The following FANCC variants were observed in gnomAD, a reference collection of about 807,000 sequenced individuals.
FANCC encodes FA complementation group C.
FANCC carries 55 observed loss-of-function variants against 71.3 expected under a neutral mutation model. The ratio of observed to expected loss-of-function variants is 0.77; its 90% CI spans 0.62 to 0.97. The LOEUF (loss-of-function observed/expected upper bound fraction) is 0.97. Ranked by LOEUF, FANCC falls within the 50% of genes least tolerant of loss-of-function variation. FANCC has a pLI of 0.00. For missense variants in FANCC, 678 were observed against 670.9 expected, an observed-to-expected ratio of 1.01 and a Z score of -0.12; for synonymous variants, 275 against 244.9, an observed-to-expected ratio of 1.12 and a Z score of -1.15.
At chr9:95,158,967 C>T (rs531833257) in intron 6 of FANCC, among the ~76,000 whole-genome samples, 2 of 152,004 alleles carry the variant, frequency 1.3e-5, no homozygotes, top group African/African-American at 4.8e-5. Flanking sequence ...GAACTAAGGA[C>T]ACGGATGTCC....
At chr9:95,249,407 G>GCA in intron 1 of FANCC, 38 bp from the exon 2 acceptor site, 2 of 1,098,220 alleles carry the variant, frequency 1.8e-6, no homozygotes, top group Non-Finnish European at 2.7e-6. Flanking sequence ...TTTCTAAAAG[G>GCA]CTCTTTTATC....
intron 4 of FANCC, among the ~76,000 whole-genome samples, chr9:95,187,217 T>C (rs967912294): frequency 6.6e-6 from 1 of 152,182 alleles, no homozygotes; most frequent in Non-Finnish European, 1.5e-5. Flanking sequence ...TCCCAGCACG[T>C]CTCCCATCTG....
intron 4 of FANCC, among the ~76,000 whole-genome samples, chr9:95,230,126 G>T (rs988850144): frequency 1.3e-5 from 2 of 152,064 alleles, no homozygotes; most frequent in African/African-American, 4.8e-5. Context: ...TTGCCATTCA[G>T]AAATCAATGC....
chr9:95,223,855 T>C (rs1229402065), intron 4 of FANCC, among the ~76,000 whole-genome samples: 1 of 152,142 alleles, frequency 6.6e-6, no homozygotes, highest in African/African-American at 2.4e-5. Flanking sequence ...CACATGCCTG[T>C]AATCCCAGCT....
chr9:95,165,482 T>C (rs1831015405), intron 6 of FANCC, among the ~76,000 whole-genome samples: 1 of 152,078 alleles, frequency 6.6e-6, no homozygotes, highest in Non-Finnish European at 1.5e-5. Flanking sequence ...TTGTGATATG[T>C]TGGGTTTTCA....
chr9:95,123,271 TCCAG>T (rs1825374194), intron 10 of FANCC: 1 of 282,182 alleles, frequency 3.5e-6, no homozygotes, highest in Non-Finnish European at 6.9e-6. Context: ...ACCACTGCAC[TCCAG>T]CCTTGGTGGC....
At chr9:95,182,910 T>G (rs1250693887) in intron 4 of FANCC, among the ~76,000 whole-genome samples, 1 of 150,280 alleles carries the variant, frequency 6.7e-6, no homozygotes, top group Non-Finnish European at 1.5e-5. Context: ...GGGGAAGGAG[T>G]AGAGAAAAAA....
At chr9:95,316,858 G>T (rs1000202219) in intron 1 of FANCC, 1 of 152,280 alleles carries the variant, frequency 6.6e-6, no homozygotes, top group Non-Finnish European at 1.5e-5. Context: ...GGGCTTTGAA[G>T]ATATGGCCTG....
In FANCC at chr9:95,220,832, C is replaced by T. The variant is rs143573364; in HGVS notation, c.345+19817G>A. ...TGTATACATATGTAACAAACCTGCACGCTGTGCACATGTACCCTAGAACTT... is the reference window on the plus strand; with the variant it reads ...TGTATACATATGTAACAAACCTGCATGCTGTGCACATGTACCCTAGAACTT... On this transcript the variant is annotated intron_variant, in intron 4 of 14. Transcript: ENST00000289081. 3.6e-3 allele frequency among the ~76,000 whole-genome samples: 550 copies of T among 151,840 alleles called. 5 individuals carry two copies. The highest frequency in any genetic ancestry group is 0.012 in the African/African-American group (514 of 41,402).
chr9:95,117,471 T>A, intron 10 of FANCC, 81 bp from the exon 11 acceptor site: 1 of 1,208,610 alleles, frequency 8.3e-7, no homozygotes, highest in Non-Finnish European at 1.2e-6. Context: ...CTGAGTCCTC[T>A]GCCCAAAAAA....
At chr9:95,229,973 A>G (rs1166047399) in intron 4 of FANCC, among the ~76,000 whole-genome samples, 1 of 152,224 alleles carries the variant, frequency 6.6e-6, no homozygotes, top group Non-Finnish European at 1.5e-5. Context: ...TGTGCCTGCT[A>G]TGAGTTACAA....
At chr9:95,125,232 G>A (rs915186387) in intron 9 of FANCC, 47 bp from the exon 10 acceptor site, 1 of 1,506,708 alleles carries the variant, frequency 6.6e-7, no homozygotes, top group Non-Finnish European at 9.2e-7. Context: ...AAGTAATCCG[G>A]CAAACATGAA....
chr9:95,274,551 T>C (rs1341004640), intron 1 of FANCC, among the ~76,000 whole-genome samples: 2 of 152,210 alleles, frequency 1.3e-5, no homozygotes, highest in Non-Finnish European at 2.9e-5. Flanking sequence ...AGTAATGGGA[T>C]TGCTGGGTCA....
chr9:95,237,511 A>T (rs1830391274), intron 4 of FANCC, among the ~76,000 whole-genome samples: 1 of 152,226 alleles, frequency 6.6e-6, no homozygotes. Context: ...CTTCTGCTGT[A>T]TGCTCCACAG....
intron 6 of FANCC, among the ~76,000 whole-genome samples, chr9:95,168,197 T>C (rs1254548738): frequency 2.0e-5 from 3 of 152,234 alleles, no homozygotes; most frequent in African/African-American, 7.2e-5. Flanking sequence ...GCCATTTCTC[T>C]GTCAGTGCTG....
intron 1 of FANCC, among the ~76,000 whole-genome samples, chr9:95,314,611 C>G (rs1835627356): frequency 6.6e-6 from 1 of 151,674 alleles, no homozygotes; most frequent in Non-Finnish European, 1.5e-5. Flanking sequence ...GAGATCGTGC[C>G]ACTGCACTCC....
intron 1 of FANCC, among the ~76,000 whole-genome samples, chr9:95,313,968 C>A (rs1316926140): frequency 6.6e-6 from 1 of 152,166 alleles, no homozygotes; most frequent in Non-Finnish European, 1.5e-5. Flanking sequence ...AAACTTACAG[C>A]TAACGTCGTA....
At chr9:95,147,674 A>T (rs549204914) in intron 7 of FANCC, among the ~76,000 whole-genome samples, 100 of 152,296 alleles carry the variant, frequency 6.6e-4, no homozygotes, top group African/African-American at 2.3e-3. Context: ...GATGTTAATG[A>T]TTTACCTTAT....
chr9:95,167,344 C>G (rs757209927), intron 6 of FANCC, among the ~76,000 whole-genome samples: 19 of 152,012 alleles, frequency 1.2e-4, no homozygotes, highest in Non-Finnish European at 1.9e-4. Flanking sequence ...TTAGGATATC[C>G]AATTCCTTCC....
Sources: allele counts gnomAD v4.1 joint callset (sites outside exome capture counted in the v4.1 genomes callset), GRCh38; gene constraint gnomAD v4.1.1; transcripts MANE v1.5; gene names NCBI Gene and HGNC (gene_info 2026-07-23, HGNC 2026-07-21).